The following PTPRN2 variants were observed in gnomAD, a reference collection of about 807,000 sequenced individuals.
PTPRN2 encodes the protein receptor-type tyrosine-protein phosphatase N2.
A neutral mutation model predicts 118.8 loss-of-function variants in PTPRN2; 74 were observed. The observed-to-expected ratio is 0.62, with a 90% CI of 0.52 to 0.76. The LOEUF is 0.76. Among genes scored for constraint, PTPRN2 ranks in the 30% least tolerant of loss-of-function variants. PTPRN2 has a pLI of 0.00. For synonymous variants in PTPRN2, 641 were observed against 608.0 expected, an observed-to-expected ratio of 1.05 and a Z score of -0.80; for missense variants, 1,481 against 1,394.4, an observed-to-expected ratio of 1.06 and a Z score of -0.99.
chr7:157,911,981 CACTT>C (rs1186708997), intron 11 of PTPRN2, among the ~76,000 whole-genome samples: 5 of 152,188 alleles, frequency 3.3e-5, no homozygotes, highest in Admixed American at 3.3e-4. Context: ...TTTTTCCAAT[CACTT>C]ACCCAGTCCG....
intron 2 of PTPRN2, among the ~76,000 whole-genome samples, chr7:158,333,305 G>T (rs1347373458): frequency 7.5e-6 from 1 of 134,214 alleles, no homozygotes; most frequent in Admixed American, 7.1e-5. Flanking sequence ...GGTGACATCT[G>T]CAGACGTCAC....
intron 2 of PTPRN2, among the ~76,000 whole-genome samples, chr7:158,420,564 T>C (rs1815164334): frequency 6.6e-6 from 1 of 152,204 alleles, no homozygotes; most frequent in African/African-American, 2.4e-5. Context: ...CAAAAAGAGA[T>C]GGCTTGACAA....
intron 11 of PTPRN2, among the ~76,000 whole-genome samples, chr7:158,057,642 T>A (rs1339638015): frequency 6.6e-6 from 1 of 151,970 alleles, no homozygotes; most frequent in Admixed American, 6.5e-5. Context: ...AGTGGGTGCA[T>A]GGAGGACCCC....
At chr7:158,343,455 G>A (rs577038967) in intron 2 of PTPRN2, among the ~76,000 whole-genome samples, 114 of 152,296 alleles carry the variant, frequency 7.5e-4, no homozygotes, top group East Asian at 2.7e-3. Context: ...CCTGTGCTCC[G>A]CGGGCAGGAA....
intron 3 of PTPRN2, among the ~76,000 whole-genome samples, chr7:158,293,258 T>C (rs1800239334): frequency 6.6e-6 from 1 of 151,880 alleles, no homozygotes; most frequent in African/African-American, 2.4e-5. Context: ...AAAATGTTTT[T>C]TCTTCAATAA....
intron 12 of PTPRN2, among the ~76,000 whole-genome samples, chr7:157,842,410 CTTTTTTTTTTTT>C (rs11316558): frequency 1.4e-3 from 129 of 93,286 alleles, no homozygotes; most frequent in African/African-American, 4.8e-3. Flanking sequence ...ATTCAGGAGA[CTTTTTTTTTTTT>C]TTTTTTTTTT....
At chr7:157,961,859 G>GAA (rs1801560726) in intron 11 of PTPRN2, among the ~76,000 whole-genome samples, 1 of 152,180 alleles carries the variant, frequency 6.6e-6, no homozygotes, top group Non-Finnish European at 1.5e-5. Flanking sequence ...AGTTCCAGTG[G>GAA]GAAAGAGGCT....
chr7:157,914,458 T>C (rs764476195), intron 11 of PTPRN2, among the ~76,000 whole-genome samples: 53 of 152,190 alleles, frequency 3.5e-4, no homozygotes, highest in Non-Finnish European at 7.5e-4. Context: ...CCAGAATACT[T>C]ATGAATCGTA....
At chr7:158,257,201 G>A (rs79761789) in intron 3 of PTPRN2, among the ~76,000 whole-genome samples, 6,695 of 152,266 alleles carry the variant, frequency 0.044, 169 homozygotes, top group Non-Finnish European at 0.05. Context: ...CTGGACCAGC[G>A]TGTGGAGAGA....
chr7:157,738,754 G>A (rs1800455109), intron 12 of PTPRN2, among the ~76,000 whole-genome samples: 1 of 152,126 alleles, frequency 6.6e-6, no homozygotes, highest in African/African-American at 2.4e-5. Context: ...GCTCCGTGCT[G>A]TTTCTGGACA....
intron 12 of PTPRN2, among the ~76,000 whole-genome samples, chr7:157,691,383 CAT>C (rs1797490672): frequency 6.6e-6 from 1 of 152,166 alleles, no homozygotes; most frequent in African/African-American, 2.4e-5. Context: ...AATTGCACGG[CAT>C]ATCGTTCTTC....
At chr7:158,398,585 C>G (rs982430349) in intron 2 of PTPRN2, among the ~76,000 whole-genome samples, 6 of 151,720 alleles carry the variant, frequency 4.0e-5, no homozygotes, top group Admixed American at 6.5e-5. Flanking sequence ...AAACATCATG[C>G]TTGCACATAG....
chr7:158,173,351 C>T (rs1374482912), intron 5 of PTPRN2, among the ~76,000 whole-genome samples: 1 of 152,164 alleles, frequency 6.6e-6, no homozygotes, highest in African/African-American at 2.4e-5. Flanking sequence ...ACAGCTGGGC[C>T]TTCAGGGGTA....
At chr7:158,559,876 A>G (rs1827269956) in intron 1 of PTPRN2, among the ~76,000 whole-genome samples, 1 of 152,240 alleles carries the variant, frequency 6.6e-6, no homozygotes, top group South Asian at 2.1e-4. Context: ...TGGTAAAAAT[A>G]GAATAAAATG....
intron 1 of PTPRN2, among the ~76,000 whole-genome samples, chr7:158,569,657 G>A (rs1304637490): frequency 6.6e-6 from 1 of 151,788 alleles, no homozygotes; most frequent in Non-Finnish European, 1.5e-5. Flanking sequence ...CGCGGGGCGC[G>A]AGGCCGCCTA....
intron 2 of PTPRN2, among the ~76,000 whole-genome samples, chr7:158,425,084 A>G (rs1429003581): frequency 1.3e-5 from 2 of 152,252 alleles, no homozygotes; most frequent in Non-Finnish European, 2.9e-5. Flanking sequence ...CCTTAAGACA[A>G]AAACAATCAT....
chr7:157,955,460 T>G (rs1044337718), intron 11 of PTPRN2, among the ~76,000 whole-genome samples: 6 of 152,098 alleles, frequency 3.9e-5, no homozygotes, highest in African/African-American at 1.4e-4. Flanking sequence ...CAGTAATTTT[T>G]AAGCCATTTC....
At chr7:158,158,492 G>T (rs1822041764) in intron 6 of PTPRN2, among the ~76,000 whole-genome samples, 1 of 145,534 alleles carries the variant, frequency 6.9e-6, no homozygotes, top group African/African-American at 2.5e-5. Flanking sequence ...TGGGAGCGGA[G>T]CCCATGTGAT....
At chr7:158,290,933 A>G (rs1263152281) in intron 3 of PTPRN2, among the ~76,000 whole-genome samples, 1 of 152,058 alleles carries the variant, frequency 6.6e-6, no homozygotes, top group East Asian at 1.9e-4. Flanking sequence ...TGACTATGTG[A>G]CTCTCTTTAA....
Sources: allele counts gnomAD v4.1 joint callset (sites outside exome capture counted in the v4.1 genomes callset), GRCh38; gene constraint gnomAD v4.1.1; transcripts MANE v1.5; gene names NCBI Gene and HGNC (gene_info 2026-07-23, HGNC 2026-07-21).